The following N4BP2 variants were observed in gnomAD, a reference collection of about 807,000 sequenced individuals.
N4BP2 encodes the protein NEDD4 binding protein 2, also known as NEDD4-binding protein 2.
Under a neutral mutation model 152.8 loss-of-function variants are expected in N4BP2, and 91 were observed. That is an observed-to-expected ratio of 0.60 (90% CI 0.50 to 0.71). The LOEUF (loss-of-function observed/expected upper bound fraction) is 0.71. N4BP2 is among the 30% of genes least tolerant of loss of function. N4BP2 has a pLI of 0.00. For synonymous variants in N4BP2, 646 were observed against 705.3 expected (o/e 0.92, Z 1.33); for missense variants, 1,923 against 2,059.1 (o/e 0.93, Z 1.28).
At chr4:40,075,529 C>G (rs1712644465) in intron 2 of N4BP2, among the ~76,000 whole-genome samples, 1 of 152,108 alleles carries the variant, frequency 6.6e-6, no homozygotes, top group African/African-American at 2.4e-5. Flanking sequence ...TCCTCAGTAG[C>G]TGGGACTACA....
At chr4:40,096,691 G>A (rs1715135678) in intron 2 of N4BP2, among the ~76,000 whole-genome samples, 1 of 152,236 alleles carries the variant, frequency 6.6e-6, no homozygotes, top group African/African-American at 2.4e-5. Context: ...TAAGTCTAGG[G>A]TGGTGGCAGT....
chr4:40,143,564 G>A (rs1258471420), intron 15 of N4BP2, among the ~76,000 whole-genome samples: 1 of 152,118 alleles, frequency 6.6e-6, no homozygotes, highest in East Asian at 1.9e-4. Context: ...GCCTCCCAAA[G>A]TGCTGGGATT....
intron 2 of N4BP2, among the ~76,000 whole-genome samples, chr4:40,076,544 A>G (rs1190989719): frequency 2.6e-5 from 4 of 151,756 alleles, no homozygotes; most frequent in Non-Finnish European, 5.9e-5. Flanking sequence ...GGCTGGGCGC[A>G]GTGGCGCCAT....
chr4:40,176,724 G>C, the N4BP2 span, among the ~76,000 whole-genome samples: 3 of 152,326 alleles, frequency 2.0e-5, no homozygotes, highest in Admixed American at 1.3e-4. Flanking sequence ...AGATGTCCCT[G>C]AGACAGCCAT....
In N4BP2 at chr4:40,120,066, A is replaced by G; in HGVS notation, c.1955A>G (p.Tyr652Cys). Residue 652 changes from tyrosine to cysteine, a missense_variant, in exon 9 of 18, where the codon TAT (tyrosine) becomes TGT (cysteine). Transcript: ENST00000261435. ...ACAATGTTACCTGAGAATGTTGCATATCTCTCTAATGCAGATTTAAACAAA... is the reference window on the plus strand; with the variant it reads ...ACAATGTTACCTGAGAATGTTGCATGTCTCTCTAATGCAGATTTAAACAAA... ...KETMLPENVA[Y>C]LSNADLNKRR... The G allele has an allele frequency of 6.2e-7, 1 of 1,611,068 alleles. No individual in the cohort carries two copies. Among genetic ancestry groups the G allele is most frequent in the Non-Finnish European group, 8.5e-7 (1 of 1,177,684 alleles).
the N4BP2 span, among the ~76,000 whole-genome samples, chr4:40,184,649 T>C: frequency 4.6e-5 from 7 of 152,074 alleles, no homozygotes; most frequent in African/African-American, 1.7e-4. Flanking sequence ...CGTGAAAAAT[T>C]TTTTTCATAT....
chr4:40,133,421 C>T (rs566927254), intron 13 of N4BP2, among the ~76,000 whole-genome samples: 11 of 151,194 alleles, frequency 7.3e-5, no homozygotes, highest in African/African-American at 1.7e-4. Flanking sequence ...CTGCAGCCTC[C>T]GCCTCCCGGG....
the N4BP2 span, among the ~76,000 whole-genome samples, chr4:40,169,247 T>C: frequency 6.6e-6 from 1 of 151,800 alleles, no homozygotes; most frequent in South Asian, 2.1e-4. Context: ...CCTGGCATGG[T>C]GGCACACACC....
chr4:40,141,709 TC>T (rs1719992266), intron 14 of N4BP2, among the ~76,000 whole-genome samples: 1 of 152,126 alleles, frequency 6.6e-6, no homozygotes, highest in Non-Finnish European at 1.5e-5. Flanking sequence ...GGCTGCAATC[TC>T]CGGCACTTTG....
At chr4:40,167,407 A>C in the N4BP2 span, 1 of 152,342 alleles carries the variant, frequency 6.6e-6, no homozygotes, top group Non-Finnish European at 1.5e-5. Flanking sequence ...CTGAATCTCA[A>C]AGTTAAAGAG....
intron 12 of N4BP2, among the ~76,000 whole-genome samples, chr4:40,129,581 C>G (rs184319541): frequency 1.3e-5 from 2 of 152,050 alleles, no homozygotes; most frequent in Admixed American, 1.3e-4. Flanking sequence ...TGGCTTTGTC[C>G]CAAGGATACC....
intron 2 of N4BP2, among the ~76,000 whole-genome samples, chr4:40,074,643 G>A (rs1299854610): frequency 6.6e-6 from 1 of 152,204 alleles, no homozygotes; most frequent in Non-Finnish European, 1.5e-5. Context: ...GTTGACTGAG[G>A]AAGCATAAAG....
At chr4:40,066,539 T>G (rs1286252182) in intron 1 of N4BP2, among the ~76,000 whole-genome samples, 2 of 150,392 alleles carry the variant, frequency 1.3e-5, no homozygotes, top group Non-Finnish European at 3.0e-5. Context: ...AGGCTGGTCT[T>G]GAACTCCTGA....
the N4BP2 span, among the ~76,000 whole-genome samples, chr4:40,169,073 C>G: frequency 6.6e-6 from 1 of 150,956 alleles, no homozygotes; most frequent in Non-Finnish European, 1.5e-5. Context: ...AAAAATTTAT[C>G]ATAAACTTGG....
rs781541627 is a variant in N4BP2, at chr4:40,103,069, A to G, written c.1224A>G (p.Thr408=). The change falls in exon 4 of 18, where the codon ACA becomes ACG. Residue 408 remains threonine, a synonymous_variant. Transcript: ENST00000261435. The part of the protein sequence containing the change: ...PPSVISHTSP[T]KVWRNKDGTS... The stretch of plus-strand genomic sequence containing the variant: ...CAGTTATTTCTCACACTTCCCCAAC[A>G]AAAGTATGGAGAAATAAAGATGGAA... 5.0e-6 allele frequency: 8 copies of G among 1,614,208 alleles called. No homozygotes were observed. In the Admixed American group the frequency reaches 1.2e-4, roughly 24 times the overall value.
At chr4:40,083,420 T>C (rs1476115776) in intron 2 of N4BP2, among the ~76,000 whole-genome samples, 2 of 152,128 alleles carry the variant, frequency 1.3e-5, no homozygotes. Flanking sequence ...AGCCAAAAAG[T>C]AGAAACAACC....
intron 5 of N4BP2, among the ~76,000 whole-genome samples, chr4:40,110,554 T>C (rs374532558): frequency 1.3e-5 from 2 of 152,198 alleles, no homozygotes; most frequent in African/African-American, 4.8e-5. Flanking sequence ...TCTGGAGAAA[T>C]GTCTATTCAT....
At chr4:40,149,691 A>G (rs1000883454) in intron 16 of N4BP2, among the ~76,000 whole-genome samples, 3 of 151,858 alleles carry the variant, frequency 2.0e-5, no homozygotes, top group Non-Finnish European at 4.4e-5. Context: ...TCAGGAGATC[A>G]AGACCATCCT....
chr4:40,087,394 C>G (rs1191577232), intron 2 of N4BP2, among the ~76,000 whole-genome samples: 1 of 151,962 alleles, frequency 6.6e-6, no homozygotes, highest in Non-Finnish European at 1.5e-5. Flanking sequence ...GGCTAAGTCT[C>G]ACTCTGTCAC....
Sources: gnomAD v4.1 joint callset for allele counts (sites outside exome capture counted in the v4.1 genomes callset) on GRCh38, gnomAD v4.1.1 for gene constraint, MANE v1.5 for transcripts, NCBI Gene and HGNC (gene_info 2026-07-23, HGNC 2026-07-21) for gene names.